PCDHGB7: variants seen among roughly 807,000 people sequenced by gnomAD.
The protein encoded by PCDHGB7 is protocadherin gamma subfamily B, 7.
In PCDHGB7, 37 loss-of-function variants were observed where a neutral mutation model predicts 61.4. The observed-to-expected ratio is 0.60, with a 90% CI of 0.46 to 0.79. The LOEUF (loss-of-function observed/expected upper bound fraction) is 0.79, where lower values mean the gene tolerates loss of function less well. PCDHGB7 is among the 30% of genes least tolerant of loss of function. The probability of loss-of-function intolerance (pLI) is 0.00; values close to 1 mark genes in which losing one functional copy is unlikely to be tolerated. For missense variants in PCDHGB7, 1,166 were observed against 1,202.5 expected (o/e 0.97, Z 0.45); for synonymous variants, 464 against 503.5 (o/e 0.92, Z 1.05).
In PCDHGB7 at chr5:141,486,836, G is replaced by C; in HGVS notation, c.2416-7971G>C. On this transcript the variant is annotated intron_variant, in intron 1 of 3. Coordinates refer to ENST00000398594, the MANE Select transcript of PCDHGB7 (RefSeq NM_018927.4). This position sits in a 1 kb window ranked among gnomAD's most constrained non-coding sequence, Gnocchi z 5.0. ...CAGCACTGTAACAGTTCGTCTATTT[G>C]TGCTGGACCTCAATGACAATGCTCC... 1 of 1,614,242 alleles carries C rather than the reference G, an allele frequency of 6.2e-7. No individual in the cohort carries two copies. The highest frequency in any genetic ancestry group is 8.5e-7 in the Non-Finnish European group (1 of 1,180,046).
intron 1 of PCDHGB7, chr5:141,423,755 G>T (rs1236551808): frequency 9.8e-6 from 5 of 512,508 alleles, no homozygotes; most frequent in Non-Finnish European, 1.3e-5. Flanking sequence ...CTGTTTGGGG[G>T]GGGGGTGGGG....
Position 141,429,390 on chromosome 5 carries a change from A to ATTTT in PCDHGB7, c.2415+9116_2415+9117insTTTT, listed in dbSNP as rs1561841316. ...TGGAGAAAATGTGTTTTTTTTTTAA[A>ATTTT]AAAAATTGAGATTAAGGTCTCATTA... On this transcript the variant is annotated intron_variant, in intron 1 of 3. Coordinates refer to ENST00000398594, the MANE Select transcript of PCDHGB7 (RefSeq NM_018927.4). 1.2e-4 allele frequency among the ~76,000 whole-genome samples: 18 copies of ATTTT among 150,328 alleles called. No homozygotes were observed. In the East Asian group the frequency reaches 1.9e-3, roughly 16 times the overall value.
intron 1 of PCDHGB7, among the ~76,000 whole-genome samples, chr5:141,482,782 G>T (rs775083331): frequency 1.6e-4 from 25 of 152,154 alleles, no homozygotes; most frequent in Non-Finnish European, 3.2e-4. Context: ...ACCTTAAACT[G>T]TGTGTGTGGC....
Position 141,477,098 on chromosome 5 carries a change from G to A in PCDHGB7, c.2416-17709G>A, listed in dbSNP as rs1562059777. 1.9e-6 allele frequency: 3 copies of A among 1,614,124 alleles called. No individual in the cohort carries two copies. The highest frequency in any genetic ancestry group is 3.3e-5 in the Admixed American group (2 of 60,008). The stretch of plus-strand genomic sequence containing the variant: ...GATTTACATCCAGGCCAAAGACAAG[G>A]GCGCCAATCCCGAAGGAGCACATTG... On this transcript the variant is annotated intron_variant, in intron 1 of 3. Coordinates refer to ENST00000398594, the MANE Select transcript of PCDHGB7 (RefSeq NM_018927.4). This position sits in a 1 kb window ranked among gnomAD's most constrained non-coding sequence, Gnocchi z 4.9.
rs1386737349 is a variant in PCDHGB7 at position 141,486,423 on chromosome 5, C to T, written c.2416-8384C>T. The T allele has an allele frequency of 6.2e-7, 1 of 1,614,042 alleles. No individual in the cohort carries two copies. The highest frequency in any genetic ancestry group is 8.5e-7 in the Non-Finnish European group (1 of 1,180,030). ...ACTGCTGGACCCTTGGATCGAGAGG[C>T]CAAATCTAGCTATGACATCATGGTC... is the stretch of plus-strand genomic sequence containing the variant. On this transcript the variant is annotated intron_variant, in intron 1 of 3. Transcript: ENST00000398594. The surrounding 1 kb of genome is among the most constrained non-coding windows in gnomAD (Gnocchi z 5.0).
intron 1 of PCDHGB7, among the ~76,000 whole-genome samples, chr5:141,455,603 C>T (rs1433078116): frequency 3.3e-5 from 5 of 152,190 alleles, no homozygotes; most frequent in Admixed American, 2.6e-4. Context: ...CGTAGGGCGC[C>T]ATGGATGTTC....
chr5:141,445,433 C>A (rs2098466883), intron 1 of PCDHGB7, among the ~76,000 whole-genome samples: 1 of 152,136 alleles, frequency 6.6e-6, no homozygotes, highest in Non-Finnish European at 1.5e-5. Flanking sequence ...AAGGCACTGA[C>A]CTATGGACTA....
chr5:141,500,521 A>T lies in PCDHGB7; in HGVS notation c.2475-4872A>T, dbSNP rs185546944. 3.7e-3 allele frequency among the ~76,000 whole-genome samples: 560 copies of T among 152,176 alleles called. 5 individuals are homozygous for T. Among genetic ancestry groups the T allele is most frequent in the Admixed American group, 0.011 (162 of 15,280 alleles). On this transcript the variant is annotated intron_variant, in intron 2 of 3. Coordinates refer to ENST00000398594, the MANE Select transcript of PCDHGB7 (RefSeq NM_018927.4). Reference sequence around the variant, plus strand: ...ACCGCGCCTGGCCGAGCTTCATTTTAAAAAAATCTCATTCACCTAAATAAG... The same window carrying T: ...ACCGCGCCTGGCCGAGCTTCATTTTTAAAAAATCTCATTCACCTAAATAAG...
rs149653507 is a variant in PCDHGB7 at position 141,469,869 on chromosome 5, G to A, written c.2416-24938G>A. Among the ~76,000 whole-genome samples, 591 of 152,290 alleles carry A rather than the reference G, an allele frequency of 3.9e-3. 6 individuals are homozygous for A. Among genetic ancestry groups the A allele is most frequent in the Admixed American group, 0.011 (171 of 15,304 alleles). On this transcript the variant is annotated intron_variant, in intron 1 of 3. Transcript: ENST00000398594. ...ATTCAGACCGGGTGCAATGGCTCACGCCTGTAATCTCGGCACTTTGGGAAG... is the reference window on the plus strand; with the variant it reads ...ATTCAGACCGGGTGCAATGGCTCACACCTGTAATCTCGGCACTTTGGGAAG...
chr5:141,475,921 A>T, intron 1 of PCDHGB7: 1 of 604,938 alleles, frequency 1.7e-6, no homozygotes, highest in Non-Finnish European at 2.8e-6. Flanking sequence ...AAGACGCTGG[A>T]GATCGGGCCC....
rs986276637 is a variant in PCDHGB7, at chr5:141,487,728, C to A, written c.2416-7079C>A. The A allele has an allele frequency of 3.2e-6, 5 of 1,570,444 alleles. No individual in the cohort carries two copies. The highest frequency in any genetic ancestry group is 2.3e-5 in the East Asian group (1 of 42,866). On this transcript the variant is annotated intron_variant, in intron 1 of 3. Transcript: ENST00000398594. The surrounding 1 kb of genome is among the most constrained non-coding windows in gnomAD (Gnocchi z 5.0). ...TCAGTAAGTGCCCATAGTGATGTCACCATTTTTGTAAGAGGTAACTATGTG... is the reference window on the plus strand; with the variant it reads ...TCAGTAAGTGCCCATAGTGATGTCAACATTTTTGTAAGAGGTAACTATGTG...
intron 1 of PCDHGB7, among the ~76,000 whole-genome samples, chr5:141,467,665 G>T (rs1205474808): frequency 4.6e-5 from 7 of 152,040 alleles, no homozygotes; most frequent in Non-Finnish European, 1.0e-4. Flanking sequence ...AGTGCCAGAA[G>T]ATTTTTATTT....
chr5:141,432,276 C>G lies in PCDHGB7; in HGVS notation c.2415+12002C>G, dbSNP rs747589363. ...GGGGCAAGCCTATCGTCCTACGTGT[C>G]CATCAACTCCGACACTGGGGTACTG... On this transcript the variant is annotated intron_variant, in intron 1 of 3. Transcript: ENST00000398594. The surrounding 1 kb of genome is among the most constrained non-coding windows in gnomAD (Gnocchi z 6.0). 6.2e-7 allele frequency: 1 copy of G among 1,614,236 alleles called. No homozygotes were observed. Among genetic ancestry groups the G allele is most frequent in the Non-Finnish European group, 8.5e-7 (1 of 1,180,044 alleles).
In PCDHGB7 at chr5:141,418,344, T is replaced by C. The variant is rs746519142; in HGVS notation, c.485T>C (p.Ile162Thr). Residue 162 changes from isoleucine (I) to threonine (T), a missense_variant, in exon 1 of 4, where the codon ATT becomes ACT. Transcript: ENST00000398594. ...TILESAEDPD[I>T]SMNSLSKYQL... is the part of the protein sequence containing the mutation. ...CTTGAGTCTGCAGAAGATCCTGATA[T>C]TAGTATGAATTCGCTGAGCAAATAC... 4.3e-6 allele frequency: 7 copies of C among 1,613,890 alleles called. No individual in the cohort carries two copies. The highest frequency in any genetic ancestry group is 2.2e-5 in the South Asian group (2 of 91,086).
chr5:141,507,631 C>A (rs1435446169), intron 3 of PCDHGB7, among the ~76,000 whole-genome samples: 1 of 152,236 alleles, frequency 6.6e-6, no homozygotes, highest in Non-Finnish European at 1.5e-5. Context: ...TGTGGCCTTG[C>A]GCCCTGAGGC....
intron 2 of PCDHGB7, among the ~76,000 whole-genome samples, chr5:141,496,468 C>T (rs1410143575): frequency 2.0e-5 from 3 of 152,126 alleles, no homozygotes; most frequent in Non-Finnish European, 4.4e-5. Context: ...AGTTATCTTT[C>T]CCCCATCCTG....
intron 1 of PCDHGB7, among the ~76,000 whole-genome samples, chr5:141,447,162 G>A (rs1213550616): frequency 6.6e-6 from 1 of 151,700 alleles, no homozygotes; most frequent in African/African-American, 2.4e-5. Flanking sequence ...TTGTTTAAGC[G>A]GGGTCTTGCT....
chr5:141,500,497 C>T (rs1214550546), intron 2 of PCDHGB7, among the ~76,000 whole-genome samples: 1 of 152,174 alleles, frequency 6.6e-6, no homozygotes, highest in Non-Finnish European at 1.5e-5. Context: ...GCGTGAGCCA[C>T]CGCGCCTGGC....
At chr5:141,484,499 A>G (rs567556335) in intron 1 of PCDHGB7, among the ~76,000 whole-genome samples, 20 of 152,344 alleles carry the variant, frequency 1.3e-4, no homozygotes, top group African/African-American at 4.6e-4. Flanking sequence ...CCGTTTCTGA[A>G]TATTCTGCAG....
Sources: gnomAD v4.1 joint callset for allele counts (sites outside exome capture counted in the v4.1 genomes callset) on GRCh38, gnomAD v4.1.1 for gene constraint, Gnocchi (gnomAD v3.1) non-coding constraint, MANE v1.5 for transcripts, NCBI Gene and HGNC (gene_info 2026-07-23, HGNC 2026-07-21) for gene names.